ASB4: variants seen among roughly 807,000 people sequenced by gnomAD.
ASB4 encodes ankyrin repeat and SOCS box containing 4, also known as ankyrin repeat and SOCS box protein 4.
A neutral mutation model predicts 38.6 loss-of-function variants in ASB4; 35 were observed. The ratio of observed to expected loss-of-function variants is 0.91; its 90% CI spans 0.69 to 1.20. ASB4 has a LOEUF of 1.20. Among genes scored for constraint, ASB4 ranks in the 50% most tolerant of loss-of-function variants. ASB4 has a pLI of 0.00. For missense variants in ASB4, 557 were observed against 527.2 expected, an observed-to-expected ratio of 1.06 and a Z score of -0.55; for synonymous variants, 195 against 201.3, an observed-to-expected ratio of 0.97 and a Z score of 0.26.
chr7:95,473,305 G>A, the ASB4 span, among the ~76,000 whole-genome samples: 10 of 152,288 alleles, frequency 6.6e-5, no homozygotes, highest in South Asian at 2.1e-3. Flanking sequence ...CTTTACACAT[G>A]TCAACTTAGT....
At chr7:95,545,396 G>C in the ASB4 span, among the ~76,000 whole-genome samples, 1 of 152,022 alleles carries the variant, frequency 6.6e-6, no homozygotes, top group Non-Finnish European at 1.5e-5. Flanking sequence ...TAGAACCATA[G>C]GTTTCTGTCC....
intron 2 of ASB4, among the ~76,000 whole-genome samples, chr7:95,513,253 GT>G (rs536945120): frequency 0.29 from 21,995 of 77,026 alleles, 3,025 homozygotes; most frequent in East Asian, 0.53. Context: ...TTTTTTGTTT[GT>G]TTTTTTTTTT....
intron 2 of ASB4, among the ~76,000 whole-genome samples, chr7:95,527,367 GA>G (rs1790752904): frequency 6.6e-6 from 1 of 152,156 alleles, no homozygotes; most frequent in Non-Finnish European, 1.5e-5. Context: ...TGAAAGAGAA[GA>G]AAAGTATTAT....
At chr7:95,495,732 C>T (rs1438752721) in intron 1 of ASB4, 26 bp from the exon 2 acceptor site, 3 of 1,504,004 alleles carry the variant, frequency 2.0e-6, no homozygotes, top group African/African-American at 1.8e-5. Flanking sequence ...TTAAACTTTC[C>T]TTTTCCTTTT....
At chr7:95,519,324 A>C (rs948409249) in intron 2 of ASB4, among the ~76,000 whole-genome samples, 1 of 152,250 alleles carries the variant, frequency 6.6e-6, no homozygotes, top group African/African-American at 2.4e-5. Flanking sequence ...AAAAGCCCTG[A>C]ATAGAATAAA....
intron 1 of ASB4, among the ~76,000 whole-genome samples, chr7:95,488,235 C>A (rs1323617801): frequency 3.9e-5 from 6 of 152,030 alleles, no homozygotes; most frequent in Non-Finnish European, 8.8e-5. Context: ...CAGCTACTCC[C>A]GAGGCTGAGA....
In ASB4 at chr7:95,528,077, A is replaced by G; in HGVS notation, c.752A>G (p.Asp251Gly). ...GCCGAAGTCAATGCCCGAGATGACG[A>G]CTTTAAATCTCCCCTCCACAAGGCA... Reference protein sequence around the residue: ...YKAEVNARDDDFKSPLHKAAW... With the variant: ...YKAEVNARDDGFKSPLHKAAW... Residue 251 changes from aspartate to glycine, a missense_variant, in exon 3 of 5, where the codon GAC becomes GGC. Transcript: ENST00000325885. 3 of 1,614,160 alleles carry G rather than the reference A, an allele frequency of 1.9e-6. No individual in the cohort carries two copies. Among genetic ancestry groups the G allele is most frequent in the Non-Finnish European group, 2.5e-6 (3 of 1,180,030 alleles).
chr7:95,507,280 A>C (rs1044915001), intron 2 of ASB4, among the ~76,000 whole-genome samples: 2 of 151,786 alleles, frequency 1.3e-5, no homozygotes, highest in African/African-American at 4.8e-5. Flanking sequence ...TTTTTTCTAG[A>C]GAGTCAAGAC....
intron 2 of ASB4, among the ~76,000 whole-genome samples, chr7:95,512,099 G>A (rs1265408706): frequency 6.6e-6 from 1 of 152,052 alleles, no homozygotes; most frequent in Non-Finnish European, 1.5e-5. Flanking sequence ...GCTATCTTCT[G>A]TAACACTTGA....
intron 3 of ASB4, among the ~76,000 whole-genome samples, chr7:95,529,754 T>A (rs1790793528): frequency 6.6e-6 from 1 of 152,196 alleles, no homozygotes; most frequent in Non-Finnish European, 1.5e-5. Flanking sequence ...AACTGTCCTG[T>A]GTTGAGCTCT....
the ASB4 span, among the ~76,000 whole-genome samples, chr7:95,547,019 C>T: frequency 9.7e-4 from 148 of 152,234 alleles, 4 homozygotes; most frequent in Admixed American, 8.8e-3. Context: ...CTTTAATAGG[C>T]GAATTAGGTT....
upstream of ASB4, among the ~76,000 whole-genome samples, chr7:95,474,795 T>C (rs1443136436): frequency 1.3e-5 from 2 of 152,182 alleles, no homozygotes; most frequent in African/African-American, 4.8e-5. Flanking sequence ...AGTGCTGGAA[T>C]TATGGCATGA....
At chr7:95,547,273 A>G in the ASB4 span, among the ~76,000 whole-genome samples, 1 of 152,338 alleles carries the variant, frequency 6.6e-6, no homozygotes, top group South Asian at 2.1e-4. Context: ...GAATATCTTC[A>G]TGTATTCTTT....
At chr7:95,504,285 G>A (rs1790379008) in intron 2 of ASB4, among the ~76,000 whole-genome samples, 1 of 152,192 alleles carries the variant, frequency 6.6e-6, no homozygotes, top group Admixed American at 6.5e-5. Context: ...TGGGGGCAAT[G>A]TAAAGGGGAC....
intron 2 of ASB4, among the ~76,000 whole-genome samples, chr7:95,514,394 GTAAAC>G (rs1790526319): frequency 1.3e-5 from 2 of 152,190 alleles, no homozygotes; most frequent in South Asian, 4.1e-4. Flanking sequence ...CAATAGCTAT[GTAAAC>G]TAAATATATG....
intron 2 of ASB4, among the ~76,000 whole-genome samples, chr7:95,511,672 A>T (rs1790483859): frequency 6.6e-6 from 1 of 151,946 alleles, no homozygotes; most frequent in Non-Finnish European, 1.5e-5. Context: ...CAAAAAAAAA[A>T]AATAAATAAA....
chr7:95,494,708 AAAG>A (rs780498293), intron 1 of ASB4, among the ~76,000 whole-genome samples: 2 of 152,186 alleles, frequency 1.3e-5, no homozygotes, highest in East Asian at 3.9e-4. Flanking sequence ...ATTGACATAG[AAAG>A]AAGGTTTATA....
chr7:95,515,267 C>CTCTTTCTTTCTTTCTTTCTT (rs1227960057), intron 2 of ASB4, among the ~76,000 whole-genome samples: 3 of 72,546 alleles, frequency 4.1e-5, no homozygotes, highest in Admixed American at 1.6e-4. Flanking sequence ...TTCTTTCTTT[C>CTCTTTCTTTCTTTCTTTCTT]TCTTTCTTTC....
At chr7:95,483,694 C>G (rs1357345236), upstream of ASB4, among the ~76,000 whole-genome samples, 2 of 152,160 alleles carry the variant, frequency 1.3e-5, no homozygotes, top group Non-Finnish European at 2.9e-5. Flanking sequence ...CCACTTAAAT[C>G]TGTTAGTGAG....
Sources: gnomAD v4.1 joint callset for allele counts (sites outside exome capture counted in the v4.1 genomes callset) on GRCh38, gnomAD v4.1.1 for gene constraint, MANE v1.5 for transcripts, NCBI Gene and HGNC (gene_info 2026-07-23, HGNC 2026-07-21) for gene names.